CDC42BPA: variants seen among roughly 807,000 people sequenced by gnomAD.
The protein encoded by CDC42BPA is serine/threonine-protein kinase MRCK alpha.
Under a neutral mutation model 223.5 loss-of-function variants are expected in CDC42BPA, and 80 were observed. The ratio of observed to expected loss-of-function variants is 0.36; its 90% CI spans 0.30 to 0.43. CDC42BPA has a LOEUF of 0.43. CDC42BPA is among the 20% of genes least tolerant of loss of function. The probability of loss-of-function intolerance (pLI) is 1.00; values close to 1 mark genes in which losing one functional copy is unlikely to be tolerated. For synonymous variants in CDC42BPA, 694 were observed against 718.6 expected (o/e 0.97, Z 0.55); for missense variants, 1,743 against 2,099.9 (o/e 0.83, Z 3.32).
Position 227,057,697 on chromosome 1 carries a change from T to C in CDC42BPA, c.2905-5712A>G, listed in dbSNP as rs569894204. 3.3e-5 allele frequency among the ~76,000 whole-genome samples: 5 copies of C among 152,316 alleles called. No individual in the cohort carries two copies. In the East Asian group the frequency reaches 5.8e-4, roughly 18 times the overall value. On this transcript the variant is annotated intron_variant, in intron 21 of 36. Coordinates refer to ENST00000366766, the MANE Select transcript of CDC42BPA (RefSeq NM_001394014.1). ...GATAACCAAGCCTATTATATCTACGTTTAAAATAATCATATGTAATAATAA... is the reference window on the plus strand; with the variant it reads ...GATAACCAAGCCTATTATATCTACGCTTAAAATAATCATATGTAATAATAA...
rs368046447 is a variant in CDC42BPA, at chr1:227,253,607, A to AATAAATAAATACATAC, written c.270+456_270+457insGTATGTATTTATTTAT. On this transcript the variant is annotated intron_variant, in intron 2 of 36. Transcript: ENST00000366766. ...GGAAACTCCATCTCAAAAATAAATA[A>AATAAATAAATACATAC]ATACATACATACATACATACATACA... Among the ~76,000 whole-genome samples the AATAAATAAATACATAC allele has an allele frequency of 4.6e-3, 540 of 116,516 alleles. 1 individual carries two copies. The highest frequency in any genetic ancestry group is 9.9e-3 in the Middle Eastern group (2 of 202). The allele number at this position is 116,516 out of a possible 152,430, so 76.4% of individuals were successfully genotyped here. A position where few individuals can be genotyped will look rare whatever the true frequency, so the allele number is the denominator to read the frequency against.
At chr1:227,150,296 T>G (rs1251858321) in intron 6 of CDC42BPA, among the ~76,000 whole-genome samples, 1 of 151,168 alleles carries the variant, frequency 6.6e-6, no homozygotes, top group Non-Finnish European at 1.5e-5. Context: ...CTATACACAT[T>G]GGAATTAAAC....
At chr1:227,046,622 A>C (rs1157713511) in intron 23 of CDC42BPA, among the ~76,000 whole-genome samples, 2 of 152,088 alleles carry the variant, frequency 1.3e-5, no homozygotes, top group Non-Finnish European at 1.5e-5. Flanking sequence ...CTTTATGTGG[A>C]CTTTGAATCA....
chr1:227,110,974 A>C (rs1213431812), intron 14 of CDC42BPA, among the ~76,000 whole-genome samples: 1 of 152,232 alleles, frequency 6.6e-6, no homozygotes, highest in Non-Finnish European at 1.5e-5. Flanking sequence ...CAAGTATTCA[A>C]TATCTGGTCC....
intron 2 of CDC42BPA, among the ~76,000 whole-genome samples, chr1:227,225,020 A>G (rs1449500405): frequency 6.6e-6 from 1 of 152,240 alleles, no homozygotes; most frequent in East Asian, 1.9e-4. Flanking sequence ...ATTCTAGCTT[A>G]ACAATAAGGA....
chr1:227,222,597 G>A (rs904697983), intron 2 of CDC42BPA, among the ~76,000 whole-genome samples: 2 of 152,204 alleles, frequency 1.3e-5, no homozygotes, highest in Non-Finnish European at 2.9e-5. Context: ...CCCCATACCT[G>A]GAAGGAAGGA....
chr1:227,297,859 G>A (rs899794293), intron 1 of CDC42BPA, among the ~76,000 whole-genome samples: 2 of 150,606 alleles, frequency 1.3e-5, no homozygotes, highest in Non-Finnish European at 3.0e-5. Context: ...TTGAAATAGT[G>A]GTGATGTTAT....
At chr1:227,235,120 GCAAT>G (rs1678756275) in intron 2 of CDC42BPA, 1 of 152,136 alleles carries the variant, frequency 6.6e-6, no homozygotes, top group Non-Finnish European at 1.5e-5. Context: ...CTGATTTCCA[GCAAT>G]CAAAGTCTGA....
intron 2 of CDC42BPA, among the ~76,000 whole-genome samples, chr1:227,230,467 G>C (rs947149814): frequency 6.6e-6 from 1 of 152,176 alleles, no homozygotes; most frequent in Non-Finnish European, 1.5e-5. Context: ...TGAATAGGGT[G>C]TATCTGGTTT....
At chr1:227,030,050 T>C (rs1044196099) in intron 29 of CDC42BPA, among the ~76,000 whole-genome samples, 4 of 151,998 alleles carry the variant, frequency 2.6e-5, no homozygotes, top group Non-Finnish European at 5.9e-5. Flanking sequence ...GGAGAATCTC[T>C]TGAACCCAGG....
At chr1:227,224,877 A>C (rs1165836335) in intron 2 of CDC42BPA, among the ~76,000 whole-genome samples, 10 of 152,234 alleles carry the variant, frequency 6.6e-5, no homozygotes, top group Admixed American at 6.5e-4. Flanking sequence ...TATGGAAAAA[A>C]TAGAGCACAT....
At chr1:227,293,070 T>C (rs1170133551) in intron 1 of CDC42BPA, among the ~76,000 whole-genome samples, 2 of 152,190 alleles carry the variant, frequency 1.3e-5, no homozygotes, top group African/African-American at 4.8e-5. Flanking sequence ...CAAAACATTT[T>C]ATTCCCTATT....
intron 2 of CDC42BPA, among the ~76,000 whole-genome samples, chr1:227,245,624 GC>G (rs1680806214): frequency 6.6e-6 from 1 of 152,112 alleles, no homozygotes. Flanking sequence ...TACTAGCTCA[GC>G]CACACTAGAA....
chr1:227,086,027 C>T (rs1176401726), intron 16 of CDC42BPA, among the ~76,000 whole-genome samples: 1 of 152,124 alleles, frequency 6.6e-6, no homozygotes, highest in Non-Finnish European at 1.5e-5. Flanking sequence ...CATCACTGAC[C>T]TGCTTTCTGT....
chr1:227,291,062 C>T (rs1270149539), intron 1 of CDC42BPA, among the ~76,000 whole-genome samples: 1 of 152,074 alleles, frequency 6.6e-6, no homozygotes, highest in Non-Finnish European at 1.5e-5. Context: ...ATCTTATTGG[C>T]ACCAATACCA....
In CDC42BPA at chr1:226,994,467, T is replaced by A; in HGVS notation, c.5134-68A>T. ...AAAGGGAGGCAGAAGGGGCTCAGATTACCACCGCCCCCTCCAGCCACCCTG... is the reference window on the plus strand; with the variant it reads ...AAAGGGAGGCAGAAGGGGCTCAGATAACCACCGCCCCCTCCAGCCACCCTG... On this transcript the variant is annotated intron_variant, in intron 36 of 36. Transcript: ENST00000366766. This position sits in a 1 kb window ranked among gnomAD's most constrained non-coding sequence, Gnocchi z 4.0. The A allele has an allele frequency of 6.9e-7, 1 of 1,448,222 alleles. No individual in the cohort carries two copies. Among genetic ancestry groups the A allele is most frequent in the Admixed American group, 2.7e-5 (1 of 36,866 alleles). 89.7% of individuals were successfully genotyped at this position (1,448,222 alleles called of 1,614,324 possible). A position where few individuals can be genotyped will look rare whatever the true frequency, so the allele number is the denominator to read the frequency against.
chr1:227,100,208 T>C (rs1202572099), intron 15 of CDC42BPA, among the ~76,000 whole-genome samples: 1 of 152,120 alleles, frequency 6.6e-6, no homozygotes, highest in African/African-American at 2.4e-5. Context: ...CATCCACTTC[T>C]CTCCATCTTC....
intron 2 of CDC42BPA, among the ~76,000 whole-genome samples, chr1:227,235,576 G>C (rs7545775): frequency 0.15 from 22,810 of 152,110 alleles, 2,075 homozygotes; most frequent in African/African-American, 0.24. Flanking sequence ...TATACTATTT[G>C]AATTATGTTT....
At chr1:227,160,820 T>A (rs535246860) in intron 5 of CDC42BPA, among the ~76,000 whole-genome samples, 184 bp from the exon 6 acceptor site, 20 of 152,344 alleles carry the variant, frequency 1.3e-4, no homozygotes, top group African/African-American at 4.6e-4. Context: ...CTCAAACACA[T>A]GTAATTTCAG....
Sources: gnomAD v4.1 joint callset for allele counts (sites outside exome capture counted in the v4.1 genomes callset) on GRCh38, gnomAD v4.1.1 for gene constraint, Gnocchi (gnomAD v3.1) non-coding constraint, MANE v1.5 for transcripts, NCBI Gene and HGNC (gene_info 2026-07-23, HGNC 2026-07-21) for gene names.